Variants in SHANK2 observed in about 807,000 individuals in gnomAD.
SHANK2 encodes the protein SH3 and multiple ankyrin repeat domains 2.
A neutral mutation model predicts 133.7 loss-of-function variants in SHANK2; 43 were observed. The ratio of observed to expected loss-of-function variants is 0.32; its 90% CI spans 0.25 to 0.41. The LOEUF (loss-of-function observed/expected upper bound fraction) is 0.41, where lower values mean the gene tolerates loss of function less well. SHANK2 is among the 10% of genes least tolerant of loss of function. The probability of loss-of-function intolerance (pLI) is 1.00; values close to 1 mark genes in which losing one functional copy is unlikely to be tolerated. For synonymous variants in SHANK2, 1,017 were observed against 952.8 expected (o/e 1.07, Z -1.24); for missense variants, 1,994 against 2,235.8 (o/e 0.89, Z 2.18).
At position 71,066,763 on chromosome 11, in the gene SHANK2, C is replaced by T. The variant is rs1029560429; in HGVS notation, c.1029+8396G>A. ...AACTAAGATGTCTGCATAAGTAAAA[C>T]GGGGAAGTGGCTGGGACGCTTGTGT... On this transcript the variant is annotated intron_variant, in intron 9 of 25. Transcript: ENST00000601538. Among the ~76,000 whole-genome samples the T allele has an allele frequency of 1.4e-3, 220 of 152,244 alleles. 2 individuals carry two copies. In the Middle Eastern group the frequency reaches 0.02, roughly 14 times the overall value.
intron 17 of SHANK2, among the ~76,000 whole-genome samples, chr11:70,648,166 A>T (rs1173519090): frequency 3.9e-5 from 6 of 152,222 alleles, no homozygotes; most frequent in Non-Finnish European, 8.8e-5. Context: ...TGCCTAGAGC[A>T]TGATTCTGTG....
chr11:71,066,142 G>A (rs1951056582), intron 9 of SHANK2, among the ~76,000 whole-genome samples: 19 of 122,250 alleles, frequency 1.6e-4, no homozygotes, highest in South Asian at 3.0e-4. Context: ...GAGTGGGGAA[G>A]TTGGGTGGGG....
At chr11:70,514,932 A>T (rs1852880571) in intron 17 of SHANK2, among the ~76,000 whole-genome samples, 1 of 152,218 alleles carries the variant, frequency 6.6e-6, no homozygotes, top group Non-Finnish European at 1.5e-5. Flanking sequence ...AAATGGTTTA[A>T]AAAGAAGACC....
chr11:70,770,161 T>A (rs1555042397), intron 14 of SHANK2, among the ~76,000 whole-genome samples: 1 of 152,164 alleles, frequency 6.6e-6, no homozygotes, highest in African/African-American at 2.4e-5. Context: ...AAAGCTCTGG[T>A]CTAGGGGAGA....
intron 5 of SHANK2, 74 bp downstream of exon 5, chr11:71,113,219 A>C: frequency 7.4e-7 from 1 of 1,343,236 alleles, no homozygotes; most frequent in Non-Finnish European, 1.0e-6. Flanking sequence ...AGGAGCGTCT[A>C]AAGATAACAC....
chr11:70,822,678 A>G (rs1201115849), intron 11 of SHANK2, among the ~76,000 whole-genome samples: 1 of 139,500 alleles, frequency 7.2e-6, no homozygotes, highest in East Asian at 2.4e-4. Flanking sequence ...GGCAGAGCCC[A>G]TGGGGGACAG....
Position 71,147,119 on chromosome 11 carries a change from C to G in SHANK2, c.207+1G>C. The G allele has an allele frequency of 6.5e-7, 1 of 1,545,432 alleles. No individual in the cohort carries two copies. The highest frequency in any genetic ancestry group is 8.7e-7 in the Non-Finnish European group (1 of 1,145,610). On this transcript the variant is annotated splice_donor_variant, in intron 3 of 25. Coordinates refer to ENST00000601538, the MANE Select transcript of SHANK2 (RefSeq NM_012309.5). LOFTEE classifies it high-confidence loss of function. ...ACCAAAGGGCAGACCACGGGGCTCACCGTCTGCTGCAGGTCATGGATGACC... is the reference window on the plus strand; with the variant it reads ...ACCAAAGGGCAGACCACGGGGCTCAGCGTCTGCTGCAGGTCATGGATGACC...
At chr11:70,852,298 G>A (rs1029862857) in intron 11 of SHANK2, among the ~76,000 whole-genome samples, 1 of 152,206 alleles carries the variant, frequency 6.6e-6, no homozygotes, top group Non-Finnish European at 1.5e-5. Context: ...TTGGGAGAGC[G>A]AGGAACGTAA....
At chr11:70,746,816 T>TC (rs1555036220) in intron 14 of SHANK2, among the ~76,000 whole-genome samples, 2 of 151,828 alleles carry the variant, frequency 1.3e-5, no homozygotes, top group African/African-American at 2.4e-5. Context: ...GCCCCCACAC[T>TC]GGGGGAGGGC....
At chr11:70,552,702 A>C (rs2059785272) in intron 17 of SHANK2, among the ~76,000 whole-genome samples, 1 of 152,132 alleles carries the variant, frequency 6.6e-6, no homozygotes, top group Admixed American at 6.5e-5. Flanking sequence ...GCAGGGGGCC[A>C]GTGACGGACA....
chr11:70,682,155 C>T (rs2134391085), intron 15 of SHANK2, among the ~76,000 whole-genome samples: 1 of 152,258 alleles, frequency 6.6e-6, no homozygotes, highest in East Asian at 1.9e-4. Flanking sequence ...TCAAGAGCAC[C>T]ACAAGGCCGG....
chr11:70,593,906 A>C (rs1220729551), intron 17 of SHANK2, among the ~76,000 whole-genome samples: 1 of 152,122 alleles, frequency 6.6e-6, no homozygotes, highest in African/African-American at 2.4e-5. Flanking sequence ...CTGGTGATAC[A>C]ATAGTGACTG....
chr11:71,226,833 T>C (rs773660563), intron 1 of SHANK2, among the ~76,000 whole-genome samples: 1 of 152,100 alleles, frequency 6.6e-6, no homozygotes, highest in Non-Finnish European at 1.5e-5. Flanking sequence ...GAAAAAAGTA[T>C]GGTAAGCAAA....
intron 12 of SHANK2, among the ~76,000 whole-genome samples, chr11:70,817,424 C>T (rs547141507): frequency 9.8e-5 from 15 of 152,312 alleles, no homozygotes; most frequent in Non-Finnish European, 1.8e-4. Flanking sequence ...AAGGGACTGA[C>T]GGGTCAGGGC....
intron 2 of SHANK2, among the ~76,000 whole-genome samples, chr11:71,156,460 C>A (rs1282234063): frequency 6.6e-6 from 1 of 152,156 alleles, no homozygotes; most frequent in Non-Finnish European, 1.5e-5. Flanking sequence ...AGTTTCTCTC[C>A]CCGTTCAGCC....
intron 14 of SHANK2, among the ~76,000 whole-genome samples, chr11:70,702,502 TCAG>T (rs1367411763): frequency 6.6e-6 from 1 of 151,920 alleles, no homozygotes; most frequent in Admixed American, 6.6e-5. Flanking sequence ...ATCACCATCA[TCAG>T]CACCACCATC....
intron 10 of SHANK2, among the ~76,000 whole-genome samples, chr11:70,925,460 A>G (rs1555081411): frequency 6.6e-6 from 1 of 152,118 alleles, no homozygotes; most frequent in African/African-American, 2.4e-5. Context: ...CTGGTGCCCC[A>G]CCCCATGTGT....
At chr11:71,217,336 C>T (rs1954434081) in intron 2 of SHANK2, among the ~76,000 whole-genome samples, 1 of 151,940 alleles carries the variant, frequency 6.6e-6, no homozygotes, top group South Asian at 2.1e-4. Context: ...AGAAACCCCA[C>T]CTCTACTAAT....
chr11:70,560,685 G>A (rs542579494), intron 17 of SHANK2, among the ~76,000 whole-genome samples: 8 of 151,518 alleles, frequency 5.3e-5, no homozygotes, highest in East Asian at 1.9e-4. Flanking sequence ...AGGCTGGAGC[G>A]CAGTGGCACG....
Sources: gnomAD v4.1 joint callset for allele counts (sites outside exome capture counted in the v4.1 genomes callset) on GRCh38, gnomAD v4.1.1 for gene constraint, MANE v1.5 for transcripts, NCBI Gene and HGNC (gene_info 2026-07-23, HGNC 2026-07-21) for gene names.